NMNAT2: variants seen among roughly 807,000 people sequenced by gnomAD.
NMNAT2 encodes the protein nicotinamide nucleotide adenylyltransferase 2, also known as nicotinamide/nicotinic acid mononucleotide adenylyltransferase 2.
A neutral mutation model predicts 41.6 loss-of-function variants in NMNAT2; 11 were observed. The ratio of observed to expected loss-of-function variants is 0.26; its 90% CI spans 0.17 to 0.44. The LOEUF is 0.44. NMNAT2 is among the 20% of genes least tolerant of loss of function. NMNAT2 has a pLI of 1.00. For synonymous variants in NMNAT2, 148 were observed against 151.2 expected, an observed-to-expected ratio of 0.98 and a Z score of 0.16; for missense variants, 288 against 407.7, an observed-to-expected ratio of 0.71 and a Z score of 2.53.
At chr1:183,271,978 C>G (rs2102291102) in intron 8 of NMNAT2, among the ~76,000 whole-genome samples, 1 of 152,240 alleles carries the variant, frequency 6.6e-6, no homozygotes, top group Non-Finnish European at 1.5e-5. Flanking sequence ...GTTTTGAACT[C>G]CTGACCTTAG....
intron 1 of NMNAT2, among the ~76,000 whole-genome samples, chr1:183,374,225 T>C (rs759594304): frequency 1.3e-5 from 2 of 152,152 alleles, no homozygotes; most frequent in Admixed American, 6.5e-5. Flanking sequence ...ACAAGAAGAA[T>C]TACCAACAGA....
intron 7 of NMNAT2, among the ~76,000 whole-genome samples, chr1:183,280,451 G>A (rs182350290): frequency 2.6e-4 from 39 of 151,988 alleles, no homozygotes; most frequent in Admixed American, 5.2e-4. Context: ...GCAGTGACAC[G>A]ATCTTGGCTC....
intron 1 of NMNAT2, among the ~76,000 whole-genome samples, chr1:183,311,689 G>T (rs1364186946): frequency 1.3e-5 from 2 of 150,974 alleles, no homozygotes; most frequent in African/African-American, 4.9e-5. Flanking sequence ...GTTAAGAAAA[G>T]AGTTGTGCAG....
intron 1 of NMNAT2, among the ~76,000 whole-genome samples, chr1:183,363,579 T>C (rs200361706): frequency 2.0e-4 from 29 of 147,462 alleles, no homozygotes; most frequent in South Asian, 1.5e-3. Flanking sequence ...CACACACACA[T>C]ACACACACAC....
intron 8 of NMNAT2, chr1:183,267,110 C>CT (rs560034679): frequency 6.3e-4 from 103 of 164,354 alleles, no homozygotes; most frequent in Non-Finnish European, 1.0e-3. Flanking sequence ...ACAGAAAAGG[C>CT]TTGCCAATCT....
intron 1 of NMNAT2, among the ~76,000 whole-genome samples, chr1:183,302,702 G>A (rs1490189573): frequency 6.6e-6 from 1 of 152,150 alleles, no homozygotes; most frequent in Non-Finnish European, 1.5e-5. Flanking sequence ...AACAACTAGG[G>A]ATATCCCCTA....
chr1:183,320,762 T>G (rs1662341982), intron 1 of NMNAT2, among the ~76,000 whole-genome samples: 2 of 152,204 alleles, frequency 1.3e-5, no homozygotes, highest in Admixed American at 6.5e-5. Context: ...TCCTAACCTC[T>G]TCATTTTACA....
chr1:183,303,333 G>T (rs1661912783), intron 1 of NMNAT2, among the ~76,000 whole-genome samples: 1 of 152,196 alleles, frequency 6.6e-6, no homozygotes, highest in African/African-American at 2.4e-5. Context: ...ATTTGCTGGT[G>T]ATCTGCTCTG....
chr1:183,384,646 G>A (rs1172609677), intron 1 of NMNAT2, among the ~76,000 whole-genome samples: 2 of 152,196 alleles, frequency 1.3e-5, no homozygotes, highest in Non-Finnish European at 1.5e-5. Context: ...TGAGATTTGG[G>A]TGGGGACACA....
chr1:183,337,712 C>T (rs968382062), intron 1 of NMNAT2, among the ~76,000 whole-genome samples: 10 of 152,066 alleles, frequency 6.6e-5, no homozygotes, highest in African/African-American at 1.4e-4. Context: ...TGGCAACAAT[C>T]GTTTCCTGCT....
intron 1 of NMNAT2, among the ~76,000 whole-genome samples, chr1:183,327,272 T>C (rs752511012): frequency 4.6e-5 from 7 of 152,114 alleles, no homozygotes; most frequent in Non-Finnish European, 7.3e-5. Context: ...GCCAGGCTGG[T>C]CTCGAACTCC....
intron 1 of NMNAT2, among the ~76,000 whole-genome samples, chr1:183,354,185 G>A (rs1663129997): frequency 6.6e-6 from 1 of 152,048 alleles, no homozygotes; most frequent in African/African-American, 2.4e-5. Context: ...GTCAATTGCT[G>A]CAGCAAATAG....
chr1:183,295,994 G>A (rs752531875), intron 1 of NMNAT2, among the ~76,000 whole-genome samples: 1 of 151,246 alleles, frequency 6.6e-6, no homozygotes, highest in African/African-American at 2.4e-5. Context: ...GATTACAGGC[G>A]CCTACCACCA....
At chr1:183,363,950 G>A (rs558137574) in intron 1 of NMNAT2, among the ~76,000 whole-genome samples, 8 of 152,238 alleles carry the variant, frequency 5.3e-5, no homozygotes, top group Admixed American at 1.3e-4. Context: ...TTAGTCTCCC[G>A]CTTCCAAGCC....
At chr1:183,402,217 C>T (rs150982223) in intron 1 of NMNAT2, among the ~76,000 whole-genome samples, 14 of 152,290 alleles carry the variant, frequency 9.2e-5, no homozygotes, top group African/African-American at 3.4e-4. Flanking sequence ...GACCAGACCT[C>T]CTTTCCTTCA....
intron 1 of NMNAT2, among the ~76,000 whole-genome samples, chr1:183,359,421 A>T (rs1221216318): frequency 1.3e-5 from 2 of 152,190 alleles, no homozygotes; most frequent in African/African-American, 2.4e-5. Context: ...TGTGTGAACC[A>T]CCAGATTCTC....
chr1:183,356,295 A>G (rs906029616), intron 1 of NMNAT2, among the ~76,000 whole-genome samples: 2 of 152,220 alleles, frequency 1.3e-5, no homozygotes, highest in East Asian at 3.8e-4. Flanking sequence ...CATAACCCTT[A>G]TACTATACTG....
chr1:183,366,026 G>C (rs1322164489), intron 1 of NMNAT2, among the ~76,000 whole-genome samples: 1 of 152,162 alleles, frequency 6.6e-6, no homozygotes, highest in East Asian at 1.9e-4. Flanking sequence ...ATGTATATCA[G>C]ATTCCATTCT....
At chr1:183,319,010 G>T (rs1423743529) in intron 1 of NMNAT2, among the ~76,000 whole-genome samples, 1 of 152,238 alleles carries the variant, frequency 6.6e-6, no homozygotes, top group African/African-American at 2.4e-5. Flanking sequence ...CAGAGCCCCT[G>T]CATTCTCCTC....
Sources: allele counts gnomAD v4.1 joint callset (sites outside exome capture counted in the v4.1 genomes callset), GRCh38; gene constraint gnomAD v4.1.1; transcripts MANE v1.5; gene names NCBI Gene and HGNC (gene_info 2026-07-23, HGNC 2026-07-21).